The following NMNAT2 variants were observed in gnomAD, a reference collection of about 807,000 sequenced individuals.
NMNAT2 encodes the protein nicotinamide nucleotide adenylyltransferase 2.
In NMNAT2, 11 loss-of-function variants were observed where a neutral mutation model predicts 41.6. The ratio of observed to expected loss-of-function variants is 0.26; its 90% CI spans 0.17 to 0.44. The LOEUF is 0.44. NMNAT2 is among the 20% of genes least tolerant of loss of function. The pLI, the probability that NMNAT2 is intolerant of heterozygous loss-of-function variation, is 1.00. For missense variants in NMNAT2, 288 were observed against 407.7 expected, an observed-to-expected ratio of 0.71 and a Z score of 2.53; for synonymous variants, 148 against 151.2, an observed-to-expected ratio of 0.98 and a Z score of 0.16.
At chr1:183,358,288 G>A (rs1663238789) in intron 1 of NMNAT2, among the ~76,000 whole-genome samples, 1 of 152,206 alleles carries the variant, frequency 6.6e-6, no homozygotes, top group Non-Finnish European at 1.5e-5. Context: ...GGTGGGAGGT[G>A]AGAGAGGATC....
chr1:183,330,737 T>G (rs570093984), intron 1 of NMNAT2, among the ~76,000 whole-genome samples: 1 of 152,318 alleles, frequency 6.6e-6, no homozygotes, highest in East Asian at 1.9e-4. Flanking sequence ...AAAATATATA[T>G]TTCTTTTGTC....
intron 1 of NMNAT2, among the ~76,000 whole-genome samples, chr1:183,389,756 GAAAGA>G (rs1648386273): frequency 3.7e-5 from 1 of 26,808 alleles, no homozygotes; most frequent in Admixed American, 4.1e-4. Flanking sequence ...AAGAAAGAAA[GAAAGA>G]AAGAAAGAAA....
intron 1 of NMNAT2, among the ~76,000 whole-genome samples, chr1:183,412,509 C>T (rs7539613): frequency 0.017 from 2,546 of 152,330 alleles, 67 homozygotes; most frequent in African/African-American, 0.058. Flanking sequence ...AGGTGTGAGC[C>T]ACCATGCCCG....
At chr1:183,389,786 A>AGGGAGGGAGGGAGGG (rs1648393274) in intron 1 of NMNAT2, among the ~76,000 whole-genome samples, 1 of 72,214 alleles carries the variant, frequency 1.4e-5, no homozygotes, top group Non-Finnish European at 3.0e-5. Context: ...GAAAGAAAGA[A>AGGGAGGGAGGGAGGG]AGAAAGAAAG....
At chr1:183,280,960 T>G (rs1661252699) in intron 7 of NMNAT2, among the ~76,000 whole-genome samples, 1 of 151,762 alleles carries the variant, frequency 6.6e-6, no homozygotes, top group East Asian at 1.9e-4. Context: ...TAATTTTGTA[T>G]TTTTAGTAGA....
chr1:183,364,072 A>G (rs1663364829), intron 1 of NMNAT2, among the ~76,000 whole-genome samples: 1 of 152,194 alleles, frequency 6.6e-6, no homozygotes. Flanking sequence ...TAAGTAGTCT[A>G]TTCTATTAGG....
At chr1:183,326,139 G>A (rs1662457634) in intron 1 of NMNAT2, among the ~76,000 whole-genome samples, 1 of 152,078 alleles carries the variant, frequency 6.6e-6, no homozygotes, top group Admixed American at 6.6e-5. Context: ...ACTTTGGGAG[G>A]CCGAGCTGGG....
At chr1:183,404,812 A>C (rs1648909611) in intron 1 of NMNAT2, among the ~76,000 whole-genome samples, 1 of 152,236 alleles carries the variant, frequency 6.6e-6, no homozygotes, top group Non-Finnish European at 1.5e-5. Context: ...ACATCTTCCC[A>C]TACCAACCCT....
intron 8 of NMNAT2, among the ~76,000 whole-genome samples, chr1:183,262,853 G>A (rs1054467158): frequency 3.3e-5 from 5 of 152,240 alleles, no homozygotes; most frequent in African/African-American, 1.2e-4. Context: ...GGGGAAGAGG[G>A]GAGGAGGTAG....
intron 10 of NMNAT2, among the ~76,000 whole-genome samples, chr1:183,259,945 C>T (rs1375378663): frequency 6.6e-6 from 1 of 152,182 alleles, no homozygotes; most frequent in Non-Finnish European, 1.5e-5. Flanking sequence ...TCGTGGCTTT[C>T]AGTTTTACAC....
In NMNAT2 at chr1:183,390,223, C is replaced by T. The variant is rs182286729; in HGVS notation, c.85+27960G>A. Reference sequence around the variant, plus strand: ...ATGTTAAAACGGCTACTCAAAAATGCCCATGGTACCAGTCAGCCTTGGAAA... The same window carrying T: ...ATGTTAAAACGGCTACTCAAAAATGTCCATGGTACCAGTCAGCCTTGGAAA... On this transcript the variant is annotated intron_variant, in intron 1 of 10. Coordinates refer to ENST00000287713, the MANE Select transcript of NMNAT2 (RefSeq NM_015039.4). Among the ~76,000 whole-genome samples, 11 of 152,220 alleles carry T rather than the reference C, an allele frequency of 7.2e-5. No homozygotes were observed. In the East Asian group the frequency reaches 2.1e-3, roughly 29 times the overall value.
chr1:183,362,194 C>T (rs1426843072), intron 1 of NMNAT2, among the ~76,000 whole-genome samples: 1 of 152,186 alleles, frequency 6.6e-6, no homozygotes, highest in African/African-American at 2.4e-5. Context: ...CTGCCTCAGC[C>T]TCCCAAAGTG....
intron 8 of NMNAT2, among the ~76,000 whole-genome samples, chr1:183,273,644 G>A (rs942714601): frequency 6.6e-6 from 1 of 152,166 alleles, no homozygotes; most frequent in African/African-American, 2.4e-5. Context: ...CCAAATAAGA[G>A]CAGTGGACTA....
In NMNAT2 at chr1:183,249,744, G is replaced by A. The variant is rs1660326720; in HGVS notation, c.*2897C>T. ...GTGTGTGTGTGTGTTTGGGGGGTAG[G>A]GGGTGCGGCGATGGGAATGGATGAT... On this transcript the variant is annotated 3_prime_UTR_variant, in exon 11 of 11. Transcript: ENST00000287713. 1 of 152,284 alleles carries A rather than the reference G, an allele frequency of 6.6e-6. No homozygotes were observed. Among genetic ancestry groups the A allele is most frequent in the Admixed American group, 6.6e-5 (1 of 15,096 alleles). The allele number at this position is 152,284 out of a possible 1,614,324, so 9.4% of individuals were successfully genotyped here.
At chr1:183,271,954 T>C (rs539680173) in intron 8 of NMNAT2, among the ~76,000 whole-genome samples, 1 of 152,238 alleles carries the variant, frequency 6.6e-6, no homozygotes, top group South Asian at 2.1e-4. Context: ...GGTTTCACCA[T>C]GTTGGCCAGG....
At chr1:183,315,300 T>C (rs749017555) in intron 1 of NMNAT2, among the ~76,000 whole-genome samples, 3 of 152,230 alleles carry the variant, frequency 2.0e-5, no homozygotes, top group Admixed American at 6.5e-5. Context: ...ATATCTCAGT[T>C]GTTTTAACAA....
At chr1:183,308,839 G>A (rs561865960) in intron 1 of NMNAT2, among the ~76,000 whole-genome samples, 3 of 152,208 alleles carry the variant, frequency 2.0e-5, no homozygotes, top group Non-Finnish European at 2.9e-5. Context: ...TCAGCCATAC[G>A]ACAGTGAGGA....
At chr1:183,265,713 T>C (rs1660795542) in intron 8 of NMNAT2, among the ~76,000 whole-genome samples, 1 of 152,266 alleles carries the variant, frequency 6.6e-6, no homozygotes, top group Non-Finnish European at 1.5e-5. Flanking sequence ...TTTCTCATCA[T>C]GTCTGTCCTT....
intron 1 of NMNAT2, among the ~76,000 whole-genome samples, chr1:183,339,342 G>A (rs1163901505): frequency 1.3e-5 from 2 of 151,930 alleles, no homozygotes; most frequent in Non-Finnish European, 2.9e-5. Context: ...CATGATCTGC[G>A]CGCCTCAGCC....
Sources: allele counts gnomAD v4.1 joint callset (sites outside exome capture counted in the v4.1 genomes callset), GRCh38; gene constraint gnomAD v4.1.1; transcripts MANE v1.5; gene names NCBI Gene and HGNC (gene_info 2026-07-23, HGNC 2026-07-21).